The following KCND2 variants were observed in gnomAD, a reference collection of about 807,000 sequenced individuals.
KCND2 encodes the protein A-type voltage-gated potassium channel KCND2.
Under a neutral mutation model 54.4 loss-of-function variants are expected in KCND2, and 16 were observed. The observed-to-expected ratio is 0.29, with a 90% CI of 0.20 to 0.45. The LOEUF (loss-of-function observed/expected upper bound fraction) is 0.45, where lower values mean the gene tolerates loss of function less well. Among genes scored for constraint, KCND2 ranks in the 20% least tolerant of loss-of-function variants. The pLI, the probability that KCND2 is intolerant of heterozygous loss-of-function variation, is 1.00. For missense variants in KCND2, 486 were observed against 824.2 expected, an observed-to-expected ratio of 0.59 and a Z score of 5.02; for synonymous variants, 317 against 310.7, an observed-to-expected ratio of 1.02 and a Z score of -0.21.
chr7:120,506,684 C>A (rs1049972189), intron 1 of KCND2, among the ~76,000 whole-genome samples: 1 of 151,838 alleles, frequency 6.6e-6, no homozygotes, highest in African/African-American at 2.4e-5. Context: ...AGAAAGTGAA[C>A]AATTCCCTAA....
chr7:120,312,569 T>C (rs1799752400), intron 1 of KCND2, among the ~76,000 whole-genome samples: 1 of 152,172 alleles, frequency 6.6e-6, no homozygotes, highest in Non-Finnish European at 1.5e-5. Flanking sequence ...ATTTTGATCT[T>C]TCTAAATTGA....
intron 1 of KCND2, among the ~76,000 whole-genome samples, chr7:120,526,185 C>T (rs1420704627): frequency 1.3e-5 from 2 of 152,096 alleles, no homozygotes; most frequent in Non-Finnish European, 2.9e-5. Flanking sequence ...TACAATTCAC[C>T]AGACATCACT....
intron 1 of KCND2, among the ~76,000 whole-genome samples, chr7:120,293,594 T>C (rs1990428): frequency 0.86 from 130,457 of 151,814 alleles, 58,476 homozygotes; most frequent in Non-Finnish European, 0.98. Flanking sequence ...TGTTTCTTTT[T>C]GTTTGACCAG....
chr7:120,428,140 A>T (rs1303538018), intron 1 of KCND2, among the ~76,000 whole-genome samples: 1 of 152,226 alleles, frequency 6.6e-6, no homozygotes, highest in Non-Finnish European at 1.5e-5. Context: ...GATGGAATAA[A>T]TATAAGACAT....
At chr7:120,313,774 A>T (rs887405512) in intron 1 of KCND2, among the ~76,000 whole-genome samples, 5 of 149,096 alleles carry the variant, frequency 3.4e-5, no homozygotes, top group East Asian at 2.0e-4. Context: ...TTTAAAGAAC[A>T]GTATCCTTCT....
chr7:120,727,098 C>T (rs1166770803), intron 1 of KCND2, among the ~76,000 whole-genome samples: 11 of 151,960 alleles, frequency 7.2e-5, no homozygotes, highest in Non-Finnish European at 1.5e-5. Flanking sequence ...AACATTTGTA[C>T]TCTATCAAAT....
At chr7:120,620,438 CA>C (rs1562889909) in intron 1 of KCND2, among the ~76,000 whole-genome samples, 1 of 151,870 alleles carries the variant, frequency 6.6e-6, no homozygotes, top group African/African-American at 2.4e-5. Flanking sequence ...AAAACTAAAT[CA>C]AAAAAATAAA....
intron 1 of KCND2, among the ~76,000 whole-genome samples, chr7:120,548,898 G>T (rs374656099): frequency 6.6e-6 from 1 of 152,098 alleles, no homozygotes; most frequent in African/African-American, 2.4e-5. Context: ...AAAAGTGAGG[G>T]ATACACTTTG....
Position 120,749,232 on chromosome 7 carries a change from G to A in KCND2, c.*1374G>A, listed in dbSNP as rs952313929. 1.3e-5 allele frequency: 2 copies of A among 151,814 alleles called. No homozygotes were observed. Among genetic ancestry groups the A allele is most frequent in the African/African-American group, 2.4e-5 (1 of 41,388 alleles). The allele number at this position is 151,814 out of a possible 1,614,324, so 9.4% of individuals were successfully genotyped here. A position where few individuals can be genotyped will look rare whatever the true frequency, so the allele number is the denominator to read the frequency against. On this transcript the variant is annotated 3_prime_UTR_variant, in exon 6 of 6. Coordinates refer to ENST00000331113, the MANE Select transcript of KCND2 (RefSeq NM_012281.3). ...TATTTGATGAAAGCATGCTTTCTAC[G>A]CCATTCAGGAAGGCAGCACAAATTT...
intron 1 of KCND2, among the ~76,000 whole-genome samples, chr7:120,583,033 G>A (rs1480391457): frequency 2.6e-5 from 4 of 151,836 alleles, no homozygotes; most frequent in African/African-American, 9.7e-5. Flanking sequence ...GCTCCTGAAG[G>A]ACAGAAAGTA....
intron 1 of KCND2, among the ~76,000 whole-genome samples, chr7:120,581,552 C>A (rs1792515558): frequency 6.6e-6 from 1 of 152,144 alleles, no homozygotes; most frequent in Non-Finnish European, 1.5e-5. Flanking sequence ...CAGATAGCAA[C>A]AGTCTAGTGC....
At chr7:120,403,137 C>A (rs1801288957) in intron 1 of KCND2, among the ~76,000 whole-genome samples, 1 of 152,176 alleles carries the variant, frequency 6.6e-6, no homozygotes. Context: ...TTCTCCCTTC[C>A]AGGGATTAAC....
chr7:120,353,962 T>C (rs1464837610), intron 1 of KCND2, among the ~76,000 whole-genome samples: 2 of 152,166 alleles, frequency 1.3e-5, no homozygotes, highest in East Asian at 3.9e-4. Flanking sequence ...AGTTATTAAT[T>C]TTATAAAATC....
At position 120,546,051 on chromosome 7, in the gene KCND2, T is replaced by C. The variant is rs201810104; in HGVS notation, c.1116-186852T>C. 1.4e-4 allele frequency among the ~76,000 whole-genome samples: 22 copies of C among 152,002 alleles called. No individual in the cohort carries two copies. The East Asian group carries it at 3.5e-3, about 24-fold the overall frequency. On this transcript the variant is annotated intron_variant, in intron 1 of 5. Transcript: ENST00000331113. ...AAACTTAAATTAAAACCTGCAAAAC[T>C]AAAATATAAAATAACATTCACAATA...
intron 1 of KCND2, among the ~76,000 whole-genome samples, chr7:120,525,111 A>G (rs950531148): frequency 1.3e-5 from 2 of 152,134 alleles, no homozygotes; most frequent in African/African-American, 4.8e-5. Context: ...TGTTCCTATC[A>G]TTGTTTTAGA....
chr7:120,292,393 C>T lies in KCND2; in HGVS notation c.1115+16646C>T, dbSNP rs116518318. 3.6e-3 allele frequency among the ~76,000 whole-genome samples: 542 copies of T among 151,946 alleles called. 3 individuals carry two copies. Among genetic ancestry groups the T allele is most frequent in the African/African-American group, 0.012 (514 of 41,510 alleles). ...TTAGTGGCAAGTCATTATATTCTATCATATTTACTTAAATTTAGTGACATG... is the reference window on the plus strand; with the variant it reads ...TTAGTGGCAAGTCATTATATTCTATTATATTTACTTAAATTTAGTGACATG... On this transcript the variant is annotated intron_variant, in intron 1 of 5. Transcript: ENST00000331113.
intron 1 of KCND2, among the ~76,000 whole-genome samples, chr7:120,369,392 C>T (rs550615535): frequency 2.6e-5 from 4 of 151,926 alleles, no homozygotes; most frequent in East Asian, 3.9e-4. Flanking sequence ...CAACAGCTTG[C>T]GGGGGTCAAT....
intron 1 of KCND2, among the ~76,000 whole-genome samples, chr7:120,374,195 G>A (rs1212557760): frequency 6.6e-6 from 1 of 151,620 alleles, no homozygotes; most frequent in Non-Finnish European, 1.5e-5. Context: ...TTGATTAAAT[G>A]TAATTTTTGG....
chr7:120,718,154 G>A (rs1273834793), intron 1 of KCND2, among the ~76,000 whole-genome samples: 3 of 152,106 alleles, frequency 2.0e-5, no homozygotes, highest in Non-Finnish European at 4.4e-5. Flanking sequence ...TTACCCCAAA[G>A]ATGTATTTAC....
Sources: gnomAD v4.1 joint callset for allele counts (sites outside exome capture counted in the v4.1 genomes callset) on GRCh38, gnomAD v4.1.1 for gene constraint, MANE v1.5 for transcripts, NCBI Gene and HGNC (gene_info 2026-07-23, HGNC 2026-07-21) for gene names.